PSMF1: variants seen among roughly 807,000 people sequenced by gnomAD.
PSMF1 encodes the protein proteasome inhibitor PI31 subunit.
PSMF1 carries 30 observed loss-of-function variants against 29.3 expected under a neutral mutation model. The ratio of observed to expected loss-of-function variants is 1.02; its 90% CI spans 0.77 to 1.39. PSMF1 has a LOEUF of 1.39. Ranked by LOEUF, PSMF1 falls within the 40% of genes most tolerant of loss-of-function variation. The pLI is 0.00. For synonymous variants in PSMF1, 134 were observed against 139.7 expected (o/e 0.96, Z 0.29); for missense variants, 344 against 357.5 (o/e 0.96, Z 0.31).
rs977769441 is a variant in PSMF1, at chr20:1,164,141, C to T, written c.606-177C>T. Among the ~76,000 whole-genome samples, 2 of 152,162 alleles carry T rather than the reference C, an allele frequency of 1.3e-5. No individual in the cohort carries two copies. Among genetic ancestry groups the T allele is most frequent in the African/African-American group, 4.8e-5 (2 of 41,434 alleles). The stretch of plus-strand genomic sequence containing the variant: ...CTGTGAGGTATGCTCTTCGTATAGG[C>T]TTTGTGTTCTTGCCCTTGCCCACTT... On this transcript the variant is annotated intron_variant, in intron 5 of 6. Coordinates refer to ENST00000335877, the MANE Select transcript of PSMF1 (RefSeq NM_006814.5). This position sits in a 1 kb window ranked among gnomAD's most constrained non-coding sequence, Gnocchi z 4.1.
At chr20:1,152,481 AGAG>A (rs2086543455) in intron 4 of PSMF1, among the ~76,000 whole-genome samples, 1 of 152,264 alleles carries the variant, frequency 6.6e-6, no homozygotes, top group Admixed American at 6.5e-5. Context: ...GAGCAGAAAC[AGAG>A]GAGATGACAC....
intron 4 of PSMF1, among the ~76,000 whole-genome samples, chr20:1,159,452 G>A (rs1384278647): frequency 6.6e-6 from 1 of 152,160 alleles, no homozygotes; most frequent in Non-Finnish European, 1.5e-5. Flanking sequence ...ATGAGCCACC[G>A]TGCCTGGCCT....
chr20:1,164,984 G>A lies in PSMF1; in HGVS notation c.765-45G>A. 6.6e-7 allele frequency: 1 copy of A among 1,521,046 alleles called. No homozygotes were observed. The allele number at this position is 1,521,046 out of a possible 1,614,324, so 94.2% of individuals were successfully genotyped here. Reference sequence around the variant, plus strand: ...GGGTCATGTCTGCCCATGTTCCCCTGGTCTCTCCATCACTCCAACTCATCA... The same window carrying A: ...GGGTCATGTCTGCCCATGTTCCCCTAGTCTCTCCATCACTCCAACTCATCA... On this transcript the variant is annotated intron_variant, in intron 6 of 6. Transcript: ENST00000335877. This position sits in a 1 kb window ranked among gnomAD's most constrained non-coding sequence, Gnocchi z 4.1.
intron 2 of PSMF1, chr20:1,126,037 C>T (rs1600142801): frequency 4.4e-6 from 2 of 449,588 alleles, no homozygotes; most frequent in Non-Finnish European, 8.9e-6. Context: ...CTTCCCCTCC[C>T]CCATCTGCCA....
At chr20:1,135,085 A>G (rs775068070) in intron 3 of PSMF1, 36 bp from the exon 4 acceptor site, 2 of 1,611,354 alleles carry the variant, frequency 1.2e-6, no homozygotes, top group African/African-American at 1.3e-5. Flanking sequence ...TTCCTAGCCA[A>G]CTGCAAGCAG....
At chr20:1,135,688 A>C (rs1490268590) in intron 4 of PSMF1, among the ~76,000 whole-genome samples, 1 of 152,230 alleles carries the variant, frequency 6.6e-6, no homozygotes, top group Non-Finnish European at 1.5e-5. Flanking sequence ...CTTTCTGAGA[A>C]AATGTAAACA....
intron 2 of PSMF1, among the ~76,000 whole-genome samples, chr20:1,126,457 T>C (rs1269875505): frequency 6.6e-6 from 1 of 152,236 alleles, no homozygotes; most frequent in Non-Finnish European, 1.5e-5. Flanking sequence ...TAGTTTCTCA[T>C]AGCACCATAA....
At chr20:1,116,523 A>C (rs1185471368), upstream of PSMF1, among the ~76,000 whole-genome samples, 1 of 152,216 alleles carries the variant, frequency 6.6e-6, no homozygotes, top group East Asian at 1.9e-4. Context: ...CAGCTGACAA[A>C]GGGAGTGATG....
chr20:1,137,618 C>T (rs1463167837), intron 4 of PSMF1, among the ~76,000 whole-genome samples: 1 of 38,912 alleles, frequency 2.6e-5, no homozygotes, highest in Non-Finnish European at 5.1e-5. Context: ...AAATTAATCG[C>T]ATGGGGAGAA....
chr20:1,154,772 T>A (rs1340418996), intron 4 of PSMF1, among the ~76,000 whole-genome samples: 1 of 152,204 alleles, frequency 6.6e-6, no homozygotes, highest in Non-Finnish European at 1.5e-5. Context: ...GTTCAAATAA[T>A]GCTGTGGAAT....
intron 1 of PSMF1, among the ~76,000 whole-genome samples, chr20:1,119,355 G>A (rs1012720818): frequency 6.6e-6 from 1 of 152,142 alleles, no homozygotes; most frequent in Non-Finnish European, 1.5e-5. Flanking sequence ...CTGGATCCAA[G>A]CACAGGTACA....
At chr20:1,133,963 T>C (rs2086270058) in intron 3 of PSMF1, among the ~76,000 whole-genome samples, 1 of 138,640 alleles carries the variant, frequency 7.2e-6, no homozygotes, top group African/African-American at 2.7e-5. Context: ...ATATCTCCTG[T>C]TTCGTTCTTG....
At chr20:1,144,083 G>A (rs748262065) in intron 4 of PSMF1, among the ~76,000 whole-genome samples, 20 of 151,854 alleles carry the variant, frequency 1.3e-4, no homozygotes, top group African/African-American at 2.2e-4. Flanking sequence ...GCAAGACTCC[G>A]TCCCCCCCAA....
At chr20:1,143,766 C>T (rs1451746593) in intron 4 of PSMF1, among the ~76,000 whole-genome samples, 6 of 152,102 alleles carry the variant, frequency 3.9e-5, no homozygotes, top group Admixed American at 3.9e-4. Context: ...CTCTCAAAAT[C>T]AACAGCTTAA....
Position 1,165,515 on chromosome 20 carries a change from A to AT in PSMF1, c.*438dup. 9.9e-7 allele frequency: 1 copy of AT among 1,005,856 alleles called. No homozygotes were observed. Among genetic ancestry groups the AT allele is most frequent in the Non-Finnish European group, 1.2e-6 (1 of 842,668 alleles). 62.3% of individuals were successfully genotyped at this position (1,005,856 alleles called of 1,614,324 possible). A position where few individuals can be genotyped will look rare whatever the true frequency, so the allele number is the denominator to read the frequency against. ...TTTACATTAATGCATAGCTGCTTCC[A>AT]TTTATGAGACTTTAGAGTTTGAGTT... On this transcript the variant is annotated 3_prime_UTR_variant, in exon 7 of 7. Coordinates refer to ENST00000335877, the MANE Select transcript of PSMF1 (RefSeq NM_006814.5).
At position 1,172,122 on chromosome 20, in the gene PSMF1, C is replaced by G. The variant is rs1402729659; in HGVS notation, c.*7042C>G. Among the ~76,000 whole-genome samples the G allele has an allele frequency of 6.6e-6, 1 of 152,242 alleles. No homozygotes were observed. The highest frequency in any genetic ancestry group is 1.5e-5 in the Non-Finnish European group (1 of 68,038). ...CCCAACCTGCCCTCCTCCTCTCCCC[C>G]ACAGAGCTTCCCAATTTACATGTAA... On this transcript the variant is annotated 3_prime_UTR_variant, in exon 7 of 7. Transcript: ENST00000335877.
rs2086757986 is a variant in PSMF1 at position 1,168,596 on chromosome 20, C to T, written c.*3516C>T. Among the ~76,000 whole-genome samples the T allele has an allele frequency of 6.6e-6, 1 of 152,212 alleles. No individual in the cohort carries two copies. ...TGAAACTCCAAGAATGTATTGTGCT[C>T]ACAGTGGCGATGGTGTTCCTGTGCT... On this transcript the variant is annotated 3_prime_UTR_variant, in exon 7 of 7. Coordinates refer to ENST00000335877, the MANE Select transcript of PSMF1 (RefSeq NM_006814.5).
intron 1 of PSMF1, among the ~76,000 whole-genome samples, chr20:1,121,521 G>A (rs1188845167): frequency 6.6e-6 from 1 of 152,114 alleles, no homozygotes; most frequent in Non-Finnish European, 1.5e-5. Flanking sequence ...TATTTAAGAA[G>A]AGGTTTAATT....
upstream of PSMF1, among the ~76,000 whole-genome samples, chr20:1,116,365 G>A (rs1384212499): frequency 6.6e-6 from 1 of 152,242 alleles, no homozygotes; most frequent in Admixed American, 6.5e-5. Context: ...GAGTTCCACA[G>A]CCACTAGCTT....
Sources: gnomAD v4.1 joint callset for allele counts (sites outside exome capture counted in the v4.1 genomes callset) on GRCh38, gnomAD v4.1.1 for gene constraint, Gnocchi (gnomAD v3.1) non-coding constraint, MANE v1.5 for transcripts, NCBI Gene and HGNC (gene_info 2026-07-23, HGNC 2026-07-21) for gene names.